The following GRAMD1C variants were observed in gnomAD, a reference collection of about 807,000 sequenced individuals.
The protein encoded by GRAMD1C is GRAM domain containing 1C.
Under a neutral mutation model 97.8 loss-of-function variants are expected in GRAMD1C, and 89 were observed. The ratio of observed to expected loss-of-function variants is 0.91; its 90% CI spans 0.77 to 1.09. The LOEUF is 1.09. GRAMD1C is among the 50% of genes least tolerant of loss of function. The pLI is 0.00. For missense variants in GRAMD1C, 740 were observed against 766.4 expected, an observed-to-expected ratio of 0.97 and a Z score of 0.41; for synonymous variants, 256 against 267.0, an observed-to-expected ratio of 0.96 and a Z score of 0.40.
chr3:113,915,084 G>A (rs1455445394), intron 9 of GRAMD1C, among the ~76,000 whole-genome samples: 1 of 152,160 alleles, frequency 6.6e-6, no homozygotes, highest in Non-Finnish European at 1.5e-5. Context: ...CAGAAAAAAT[G>A]TAATAATTCA....
At chr3:113,898,653 A>G (rs924480241) in intron 6 of GRAMD1C, among the ~76,000 whole-genome samples, 4 of 152,154 alleles carry the variant, frequency 2.6e-5, no homozygotes, top group Non-Finnish European at 5.9e-5. Flanking sequence ...ATTAAATAAT[A>G]AATATTAAAA....
chr3:113,937,028 C>A (rs1181966596), intron 14 of GRAMD1C: 1 of 152,522 alleles, frequency 6.6e-6, no homozygotes, highest in Non-Finnish European at 1.5e-5. Flanking sequence ...ACTTCTGAAC[C>A]ACTTTGCTTA....
chr3:113,935,310 T>G (rs78897416), intron 13 of GRAMD1C, among the ~76,000 whole-genome samples: 4,676 of 152,116 alleles, frequency 0.031, 240 homozygotes, highest in African/African-American at 0.11. Flanking sequence ...GTCTAAGCTC[T>G]GGGGAGTCCT....
chr3:113,936,443 G>T lies in GRAMD1C; in HGVS notation c.1633+1G>T. ...TTAGGTGCCAAAGGGGATATTACAG[G>T]TAGTTGTCACCTGGTAAACAGAGAT... On this transcript the variant is annotated splice_donor_variant, in intron 14 of 17. Transcript: ENST00000358160. LOFTEE classifies it high-confidence loss of function. 1.3e-6 allele frequency: 2 copies of T among 1,585,450 alleles called. No homozygotes were observed. The highest frequency in any genetic ancestry group is 1.7e-6 in the Non-Finnish European group (2 of 1,161,938).
intron 6 of GRAMD1C, among the ~76,000 whole-genome samples, chr3:113,899,441 C>A (rs1469193034): frequency 7.5e-6 from 1 of 134,010 alleles, no homozygotes; most frequent in Non-Finnish European, 1.7e-5. Flanking sequence ...TTAAGAACAT[C>A]CCATGTCTCT....
At chr3:113,834,939 C>CAAAAA (rs58338279), upstream of GRAMD1C, among the ~76,000 whole-genome samples, 1 of 126,058 alleles carries the variant, frequency 7.9e-6, no homozygotes, top group Non-Finnish European at 1.7e-5. Flanking sequence ...AACTCCGTCT[C>CAAAAA]AAAAAAAAAA....
chr3:113,885,959 G>T, intron 6 of GRAMD1C: 1 of 1,610,128 alleles, frequency 6.2e-7, no homozygotes. Flanking sequence ...TCCCGATGCT[G>T]GATGCCCTCA....
chr3:113,891,141 G>A (rs1935708660), intron 6 of GRAMD1C: 1 of 168,788 alleles, frequency 5.9e-6, no homozygotes, highest in Non-Finnish European at 1.3e-5. Context: ...TTAATAAACA[G>A]AATGGTGTCT....
intron 5 of GRAMD1C, among the ~76,000 whole-genome samples, chr3:113,880,960 A>G (rs4682509): frequency 0.14 from 20,590 of 151,990 alleles, 1,748 homozygotes; most frequent in East Asian, 0.32. Flanking sequence ...CATGGTAAAA[A>G]ATTCTGTACT....
chr3:113,880,583 A>C (rs931195750), intron 5 of GRAMD1C, among the ~76,000 whole-genome samples: 3 of 152,158 alleles, frequency 2.0e-5, no homozygotes, highest in African/African-American at 7.2e-5. Flanking sequence ...ACAGTGCTGC[A>C]GTGAACAGCC....
intron 2 of GRAMD1C, 119 bp downstream of exon 2, chr3:113,844,768 AT>A: frequency 1.5e-6 from 1 of 677,050 alleles, no homozygotes; most frequent in Non-Finnish European, 2.4e-6. Context: ...AGATGTTTCA[AT>A]TTTAGTCCAG....
chr3:113,884,623 G>C (rs1015602638), intron 6 of GRAMD1C, among the ~76,000 whole-genome samples: 1 of 152,150 alleles, frequency 6.6e-6, no homozygotes, highest in African/African-American at 2.4e-5. Context: ...ACGAGGTCAG[G>C]AGATCGAGAC....
intron 2 of GRAMD1C, among the ~76,000 whole-genome samples, chr3:113,847,635 G>A (rs1002250584): frequency 6.6e-6 from 1 of 152,150 alleles, no homozygotes; most frequent in Admixed American, 6.5e-5. Flanking sequence ...AATAAAGTAG[G>A]TATTGAAGAA....
intron 11 of GRAMD1C, among the ~76,000 whole-genome samples, chr3:113,932,674 A>G (rs1937481073): frequency 6.6e-6 from 1 of 152,180 alleles, no homozygotes; most frequent in South Asian, 2.1e-4. Flanking sequence ...CAGTGAAATA[A>G]ATGACACAGG....
intron 2 of GRAMD1C, among the ~76,000 whole-genome samples, chr3:113,864,647 A>C (rs1481612168): frequency 6.6e-6 from 1 of 152,068 alleles, no homozygotes; most frequent in Non-Finnish European, 1.5e-5. Context: ...TCCCAATAAG[A>C]TATTCCTCAT....
chr3:113,885,170 C>A (rs1935419864), intron 6 of GRAMD1C: 2 of 619,582 alleles, frequency 3.2e-6, no homozygotes, highest in South Asian at 1.9e-5. Context: ...CGCTCCGTGC[C>A]CCTCTCTGCA....
In GRAMD1C at chr3:113,882,652, GT is replaced by G. The variant is rs1481096616; in HGVS notation, c.460-97del. On this transcript the variant is annotated intron_variant, in intron 5 of 17. Coordinates refer to ENST00000358160, the MANE Select transcript of GRAMD1C (RefSeq NM_017577.5). ...CAAAGTAGGCAGTGTTGACCTACTA[GT>G]TTGTTTTAACCATAAGCAAGTCCGC... 1.4e-5 allele frequency: 10 copies of G among 689,954 alleles called. No individual in the cohort carries two copies. The East Asian group carries it at 2.5e-4, about 17-fold the overall frequency. The allele number at this position is 689,954 out of a possible 1,614,324, so 42.7% of individuals were successfully genotyped here. A position where few individuals can be genotyped will look rare whatever the true frequency, so the allele number is the denominator to read the frequency against.
At chr3:113,917,806 C>A (rs1936881757) in intron 10 of GRAMD1C, among the ~76,000 whole-genome samples, 1 of 151,218 alleles carries the variant, frequency 6.6e-6, no homozygotes, top group African/African-American at 2.4e-5. Flanking sequence ...GATTCTTGCA[C>A]CTCAGCCTCC....
intron 5 of GRAMD1C, among the ~76,000 whole-genome samples, chr3:113,876,972 T>G (rs1935070181): frequency 6.6e-6 from 1 of 152,178 alleles, no homozygotes; most frequent in African/African-American, 2.4e-5. Flanking sequence ...GTAATTATAC[T>G]TTTTAATCTT....
Sources: allele counts gnomAD v4.1 joint callset (sites outside exome capture counted in the v4.1 genomes callset), GRCh38; gene constraint gnomAD v4.1.1; transcripts MANE v1.5; gene names NCBI Gene and HGNC (gene_info 2026-07-23, HGNC 2026-07-21).